Variants in KLC1 observed in about 807,000 individuals in gnomAD.
KLC1 encodes the protein kinesin 2 60/70kDa.
Under a neutral mutation model 84.2 loss-of-function variants are expected in KLC1, and 30 were observed. The observed-to-expected ratio is 0.36, with a 90% CI of 0.27 to 0.48. The LOEUF is 0.48. Among genes scored for constraint, KLC1 ranks in the 20% least tolerant of loss-of-function variants. KLC1 has a pLI of 0.99. For synonymous variants in KLC1, 289 were observed against 293.3 expected, an observed-to-expected ratio of 0.99 and a Z score of 0.15; for missense variants, 499 against 805.4, an observed-to-expected ratio of 0.62 and a Z score of 4.60.
chr14:103,667,911 G>A (rs1360714946), intron 5 of KLC1, among the ~76,000 whole-genome samples: 3 of 152,268 alleles, frequency 2.0e-5, no homozygotes, highest in African/African-American at 7.2e-5. Flanking sequence ...TGAGTAGCAC[G>A]CTTAAACTGA....
At chr14:103,687,021 G>A (rs1595558314) in intron 13 of KLC1, 60 bp from the exon 14 acceptor site, 1 of 1,419,816 alleles carries the variant, frequency 7.0e-7, no homozygotes, top group Non-Finnish European at 9.6e-7. Context: ...ACCCGGTGTG[G>A]CTCTTGTGGG....
intron 1 of KLC1, among the ~76,000 whole-genome samples, chr14:103,648,374 C>T (rs972442035): frequency 1.3e-5 from 2 of 152,162 alleles, no homozygotes; most frequent in Non-Finnish European, 2.9e-5. Context: ...AGTTGCGATA[C>T]AGGTATTTAA....
intron 6 of KLC1, 116 bp from the exon 7 acceptor site, chr14:103,670,066 T>C (rs1239656646): frequency 2.9e-6 from 2 of 696,558 alleles, no homozygotes; most frequent in Non-Finnish European, 2.5e-6. Context: ...CATATTGTTC[T>C]ATCCGACTAA....
intron 1 of KLC1, among the ~76,000 whole-genome samples, chr14:103,647,589 A>G (rs1175985091): frequency 6.6e-6 from 1 of 151,432 alleles, no homozygotes; most frequent in Non-Finnish European, 1.5e-5. Context: ...TTTTGAAAGG[A>G]TGGCATGGCC....
At chr14:103,654,244 A>G (rs1437992091) in intron 1 of KLC1, among the ~76,000 whole-genome samples, 1 of 152,246 alleles carries the variant, frequency 6.6e-6, no homozygotes, top group Non-Finnish European at 1.5e-5. Flanking sequence ...GCTTGCAAAC[A>G]TTCTGAGAAA....
intron 13 of KLC1, 72 bp downstream of exon 13, chr14:103,679,617 GTC>G: frequency 1.7e-6 from 2 of 1,148,864 alleles, no homozygotes. Flanking sequence ...CCTTCCTCCT[GTC>G]TCATGTGCTA....
rs184194635 is a variant in KLC1, at chr14:103,667,399, G to T, written c.798-2112G>T. ...TGGGATTACAGGCGTGAGCCACCGT[G>T]CCCAGCCTTGGTAGCTTATTTTTAA... On this transcript the variant is annotated intron_variant, in intron 5 of 16. Coordinates refer to ENST00000334553, the MANE Select transcript of KLC1 (RefSeq NM_001394837.1). 3.6e-3 allele frequency among the ~76,000 whole-genome samples: 537 copies of T among 150,946 alleles called. 3 individuals carry two copies. Among genetic ancestry groups the T allele is most frequent in the African/African-American group, 0.013 (515 of 41,004 alleles).
At chr14:103,669,682 T>C (rs1437476974) in intron 6 of KLC1, 84 bp downstream of exon 6, 4 of 973,748 alleles carry the variant, frequency 4.1e-6, no homozygotes, top group Non-Finnish European at 6.5e-6. Context: ...ACCATTAAAC[T>C]CAACAGGGAA....
chr14:103,683,483 A>G lies in KLC1; in HGVS notation c.1651-3598A>G, dbSNP rs190959037. ...TTTTCTGGGTAAAACTGGGTCTTCTATAACTGCTGTCCGTGTGGCTTCATG... is the reference window on the plus strand; with the variant it reads ...TTTTCTGGGTAAAACTGGGTCTTCTGTAACTGCTGTCCGTGTGGCTTCATG... On this transcript the variant is annotated intron_variant, in intron 13 of 16. Coordinates refer to ENST00000334553, the MANE Select transcript of KLC1 (RefSeq NM_001394837.1). 42 of 152,372 alleles carry G rather than the reference A, an allele frequency of 2.8e-4. 1 individual carries two copies. Among genetic ancestry groups the G allele is most frequent in the Admixed American group, 1.6e-3 (24 of 15,304 alleles). The allele number at this position is 152,372 out of a possible 1,614,324, so 9.4% of individuals were successfully genotyped here. A position where few individuals can be genotyped will look rare whatever the true frequency, so the allele number is the denominator to read the frequency against.
At chr14:103,642,302 C>T (rs181538428) in intron 1 of KLC1, among the ~76,000 whole-genome samples, 5 of 152,100 alleles carry the variant, frequency 3.3e-5, no homozygotes, top group Non-Finnish European at 5.9e-5. Flanking sequence ...TCCCAAAGGC[C>T]CCACCTCCTA....
In KLC1 at chr14:103,668,262, A is replaced by G. The variant is rs115221952; in HGVS notation, c.798-1249A>G. On this transcript the variant is annotated intron_variant, in intron 5 of 16. Transcript: ENST00000334553. ...CTGAAACCAAATGCAAGCTTGGTCC[A>G]TTGTTCTAGACTGTTGCACTTATTC... Among the ~76,000 whole-genome samples, 965 of 152,330 alleles carry G rather than the reference A, an allele frequency of 6.3e-3. 9 individuals are homozygous for G. Among genetic ancestry groups the G allele is most frequent in the African/African-American group, 0.022 (929 of 41,582 alleles).
chr14:103,695,519 T>C, intron 15 of KLC1: 2 of 985,348 alleles, frequency 2.0e-6, no homozygotes, highest in African/African-American at 1.7e-5. Flanking sequence ...CTCCGGAGCT[T>C]CCCTTGTGGT....
chr14:103,672,199 A>G (rs888639154), intron 7 of KLC1, among the ~76,000 whole-genome samples: 5 of 152,190 alleles, frequency 3.3e-5, no homozygotes, highest in African/African-American at 1.2e-4. Context: ...TAATTGAGTT[A>G]AAAGTGTCCT....
chr14:103,668,771 A>C (rs1222975537), intron 5 of KLC1, among the ~76,000 whole-genome samples: 1 of 146,554 alleles, frequency 6.8e-6, no homozygotes, highest in Non-Finnish European at 1.5e-5. Context: ...GAGCCACCAC[A>C]CCCATCTTTT....
At chr14:103,665,158 C>CT (rs995449577) in intron 5 of KLC1, among the ~76,000 whole-genome samples, 156 of 142,356 alleles carry the variant, frequency 1.1e-3, no homozygotes, top group East Asian at 3.9e-3. Context: ...TAATTTTAAG[C>CT]TTTTTTTTTT....
chr14:103,675,842 A>ATGC, intron 11 of KLC1, 86 bp downstream of exon 11: 1 of 1,079,328 alleles, frequency 9.3e-7, no homozygotes, highest in South Asian at 1.3e-5. Context: ...TAAATGACCA[A>ATGC]TGTGTAGTGT....
chr14:103,652,013 T>C (rs1312637936), intron 1 of KLC1, among the ~76,000 whole-genome samples: 1 of 152,224 alleles, frequency 6.6e-6, no homozygotes, highest in African/African-American at 2.4e-5. Flanking sequence ...GAGGCCCTTA[T>C]TAATCTGTAC....
chr14:103,683,674 G>A (rs1213938849), intron 13 of KLC1: 1 of 152,146 alleles, frequency 6.6e-6, no homozygotes, highest in African/African-American at 2.4e-5. Context: ...GTGGAGCCCG[G>A]GGTCTGCCTC....
chr14:103,685,640 C>T, intron 13 of KLC1: 1 of 1,289,458 alleles, frequency 7.8e-7, no homozygotes, highest in South Asian at 1.2e-5. Context: ...TCTGACAGGC[C>T]TAGCCGCCCG....
Sources: allele counts gnomAD v4.1 joint callset (sites outside exome capture counted in the v4.1 genomes callset), GRCh38; gene constraint gnomAD v4.1.1; transcripts MANE v1.5; gene names NCBI Gene and HGNC (gene_info 2026-07-23, HGNC 2026-07-21).